NAALADL2: variants seen among roughly 807,000 people sequenced by gnomAD.
The protein encoded by NAALADL2 is inactive N-acetylated-alpha-linked acidic dipeptidase-like protein 2.
A neutral mutation model predicts 87.2 loss-of-function variants in NAALADL2; 76 were observed. That is an observed-to-expected ratio of 0.87 (90% confidence interval 0.72 to 1.05). The LOEUF is 1.05. Ranked by LOEUF, NAALADL2 falls within the 50% of genes least tolerant of loss-of-function variation. The pLI is 0.00. For synonymous variants in NAALADL2, 354 were observed against 331.0 expected, an observed-to-expected ratio of 1.07 and a Z score of -0.75; for missense variants, 1,089 against 945.8, an observed-to-expected ratio of 1.15 and a Z score of -1.99.
chr3:174,486,742 T>C (rs367790389), intron 1 of NAALADL2, among the ~76,000 whole-genome samples: 27 of 152,050 alleles, frequency 1.8e-4, no homozygotes, highest in African/African-American at 5.6e-4. Flanking sequence ...CCTTTCCTTT[T>C]TTCTTTTTAA....
intron 3 of NAALADL2, among the ~76,000 whole-genome samples, chr3:174,771,848 A>G (rs912238410): frequency 6.6e-6 from 1 of 152,192 alleles, no homozygotes; most frequent in Admixed American, 6.5e-5. Context: ...TTTAGGGTAA[A>G]ACTGACAATG....
At chr3:174,773,522 G>A (rs1714834046) in intron 3 of NAALADL2, among the ~76,000 whole-genome samples, 1 of 152,176 alleles carries the variant, frequency 6.6e-6, no homozygotes, top group South Asian at 2.1e-4. Flanking sequence ...TTTCATAGAA[G>A]TGGTAGCTTA....
intron 3 of NAALADL2, chr3:175,234,784 T>A (rs1478104723): frequency 6.6e-6 from 1 of 152,220 alleles, no homozygotes; most frequent in Non-Finnish European, 1.5e-5. Context: ...ATGGACTAGT[T>A]TTAAATCTCA....
intron 9 of NAALADL2, among the ~76,000 whole-genome samples, chr3:175,507,103 AG>A: frequency 6.6e-6 from 1 of 150,520 alleles, no homozygotes; most frequent in Non-Finnish European, 1.5e-5. Context: ...TCCTACCCTT[AG>A]GAAAAAAAAA....
chr3:174,648,087 G>A (rs1247690113), intron 2 of NAALADL2, among the ~76,000 whole-genome samples: 1 of 152,142 alleles, frequency 6.6e-6, no homozygotes, highest in Admixed American at 6.6e-5. Flanking sequence ...AGAAAAAGGG[G>A]AAGTACAGTA....
rs1187281095 is a variant in NAALADL2 at position 175,555,711 on chromosome 3, T to C, written c.1654-20330T>C. ...CACACACTACACATATATATGTATATAACATAAATATCTCTGATTATTTAC... is the reference window on the plus strand; with the variant it reads ...CACACACTACACATATATATGTATACAACATAAATATCTCTGATTATTTAC... On this transcript the variant is annotated intron_variant, in intron 9 of 13. Coordinates refer to ENST00000454872, the MANE Select transcript of NAALADL2 (RefSeq NM_207015.3). Among the ~76,000 whole-genome samples, 5 of 152,186 alleles carry C rather than the reference T, an allele frequency of 3.3e-5. 1 individual carries two copies. Among genetic ancestry groups the C allele is most frequent in the Non-Finnish European group, 7.3e-5 (5 of 68,034 alleles).
At chr3:175,261,283 G>A (rs1222972191) in intron 4 of NAALADL2, among the ~76,000 whole-genome samples, 1 of 151,830 alleles carries the variant, frequency 6.6e-6, no homozygotes, top group Admixed American at 6.6e-5. Context: ...CTCTAGTATG[G>A]AAATTAATTT....
chr3:175,462,896 T>C (rs1325094734), intron 6 of NAALADL2, among the ~76,000 whole-genome samples: 1 of 152,208 alleles, frequency 6.6e-6, no homozygotes, highest in Non-Finnish European at 1.5e-5. Flanking sequence ...GCTTTAAGAA[T>C]ATTTATCCTT....
At chr3:175,379,745 C>A (rs562757557) in intron 5 of NAALADL2, among the ~76,000 whole-genome samples, 1 of 151,956 alleles carries the variant, frequency 6.6e-6, no homozygotes, top group Non-Finnish European at 1.5e-5. Context: ...GTAAATATTC[C>A]TCAAAGGTTT....
intron 1 of NAALADL2, among the ~76,000 whole-genome samples, chr3:174,448,458 T>A (rs1267494843): frequency 6.6e-6 from 1 of 152,230 alleles, no homozygotes; most frequent in East Asian, 1.9e-4. Context: ...TTCTAAGTTT[T>A]GTAGTTTTTA....
intron 1 of NAALADL2, among the ~76,000 whole-genome samples, chr3:174,974,162 A>T (rs758560235): frequency 6.6e-6 from 1 of 152,178 alleles, no homozygotes; most frequent in East Asian, 1.9e-4. Context: ...ATACATTTTC[A>T]TTACTGGTAT....
chr3:175,790,364 T>TCAGTTTTTAGGA (rs1302025565), intron 13 of NAALADL2, among the ~76,000 whole-genome samples: 1 of 152,072 alleles, frequency 6.6e-6, no homozygotes, highest in Non-Finnish European at 1.5e-5. Flanking sequence ...ATTTGCCTTC[T>TCAGTTTTTAGGA]CAGTTTTTAG....
chr3:174,876,570 C>G (rs998678084), intron 1 of NAALADL2, among the ~76,000 whole-genome samples: 1 of 152,154 alleles, frequency 6.6e-6, no homozygotes, highest in Non-Finnish European at 1.5e-5. Flanking sequence ...TACTGGATGA[C>G]AACTGTCAAT....
At chr3:175,615,675 T>C (rs2045779648) in intron 10 of NAALADL2, among the ~76,000 whole-genome samples, 1 of 151,794 alleles carries the variant, frequency 6.6e-6, no homozygotes, top group South Asian at 2.1e-4. Context: ...CTGACCATCA[T>C]GGTGAAGCCT....
At chr3:175,266,775 C>CA (rs1448621332) in intron 4 of NAALADL2, among the ~76,000 whole-genome samples, 4 of 151,674 alleles carry the variant, frequency 2.6e-5, no homozygotes, top group Non-Finnish European at 5.9e-5. Flanking sequence ...TTCCAATACC[C>CA]ACATTAATGA....
chr3:175,230,222 GA>G (rs1258078141), intron 2 of NAALADL2, among the ~76,000 whole-genome samples: 6 of 151,284 alleles, frequency 4.0e-5, no homozygotes, highest in East Asian at 3.9e-4. Context: ...AATTTTTTAG[GA>G]AAAAAAATGA....
intron 2 of NAALADL2, among the ~76,000 whole-genome samples, chr3:175,098,424 T>G (rs371089769): frequency 6.6e-6 from 1 of 152,120 alleles, no homozygotes; most frequent in South Asian, 2.1e-4. Flanking sequence ...AGCCCAGAAA[T>G]TCACAAAATG....
intron 11 of NAALADL2, among the ~76,000 whole-genome samples, chr3:175,658,188 G>A (rs1464480630): frequency 1.3e-5 from 2 of 151,936 alleles, no homozygotes; most frequent in Non-Finnish European, 2.9e-5. Context: ...TAACCTCAAG[G>A]ATGTTTTTCA....
intron 1 of NAALADL2, among the ~76,000 whole-genome samples, chr3:175,061,864 G>A (rs966209086): frequency 2.0e-5 from 3 of 151,768 alleles, no homozygotes; most frequent in African/African-American, 7.3e-5. Context: ...TTGCATTAAA[G>A]GAGATACATA....
Sources: gnomAD v4.1 joint callset for allele counts (sites outside exome capture counted in the v4.1 genomes callset) on GRCh38, gnomAD v4.1.1 for gene constraint, MANE v1.5 for transcripts, NCBI Gene and HGNC (gene_info 2026-07-23, HGNC 2026-07-21) for gene names.